The following PCDHA11 variants were observed in gnomAD, a reference collection of about 807,000 sequenced individuals.
PCDHA11 encodes the protein protocadherin alpha 11.
Under a neutral mutation model 70.3 loss-of-function variants are expected in PCDHA11, and 61 were observed. The ratio of observed to expected loss-of-function variants is 0.87; its 90% CI spans 0.71 to 1.07. The LOEUF (loss-of-function observed/expected upper bound fraction) is 1.07. Among genes scored for constraint, PCDHA11 ranks in the 50% least tolerant of loss-of-function variants. PCDHA11 has a pLI of 0.00. For synonymous variants in PCDHA11, 633 were observed against 555.1 expected, an observed-to-expected ratio of 1.14 and a Z score of -1.97; for missense variants, 1,324 against 1,237.5, an observed-to-expected ratio of 1.07 and a Z score of -1.05.
chr5:140,966,698 G>C, intron 1 of PCDHA11: 2 of 1,363,568 alleles, frequency 1.5e-6, no homozygotes, highest in Non-Finnish European at 1.9e-6. Flanking sequence ...CGGGGCCCGG[G>C]CGTGGGGCAC....
At chr5:140,947,302 C>G (rs1390442873) in intron 1 of PCDHA11, among the ~76,000 whole-genome samples, 2 of 151,504 alleles carry the variant, frequency 1.3e-5, no homozygotes, top group Non-Finnish European at 3.0e-5. Flanking sequence ...ATCTTGACAT[C>G]TTTGTAAAAA....
intron 3 of PCDHA11, among the ~76,000 whole-genome samples, chr5:141,006,417 G>A (rs1010340395): frequency 6.6e-6 from 1 of 152,030 alleles, no homozygotes; most frequent in Admixed American, 6.6e-5. Flanking sequence ...GTTTCACTGT[G>A]TTAGCCAGGA....
intron 1 of PCDHA11, chr5:140,876,955 G>A: frequency 6.2e-7 from 1 of 1,613,390 alleles, no homozygotes; most frequent in Non-Finnish European, 8.5e-7. Context: ...CTACTCGCTG[G>A]TGGAGCGGCG....
intron 3 of PCDHA11, among the ~76,000 whole-genome samples, chr5:140,991,251 A>G (rs2097441392): frequency 6.6e-6 from 1 of 152,306 alleles, no homozygotes; most frequent in South Asian, 2.1e-4. Context: ...GCAGTATTTG[A>G]ACTCATGTCT....
chr5:140,928,719 T>C (rs1554206226), intron 1 of PCDHA11: 31 of 1,614,044 alleles, frequency 1.9e-5, no homozygotes, highest in Non-Finnish European at 2.5e-5. Flanking sequence ...CTAGTCTCTT[T>C]AGAATTTCAG....
intron 1 of PCDHA11, among the ~76,000 whole-genome samples, chr5:140,947,906 A>G (rs2153681662): frequency 6.6e-6 from 1 of 151,710 alleles, no homozygotes; most frequent in South Asian, 2.1e-4. Flanking sequence ...GTGAGAGCAG[A>G]CATTCTTGCC....
chr5:140,947,645 A>G (rs1373528004), intron 1 of PCDHA11, among the ~76,000 whole-genome samples: 2 of 151,670 alleles, frequency 1.3e-5, no homozygotes, highest in African/African-American at 2.4e-5. Flanking sequence ...GTATGAACAT[A>G]TATACCTCCA....
intron 1 of PCDHA11, among the ~76,000 whole-genome samples, chr5:140,912,892 A>T (rs1554195590): frequency 2.0e-5 from 3 of 152,210 alleles, no homozygotes. Context: ...TTCTGTTGAT[A>T]TGATGTATCA....
chr5:140,969,473 A>G (rs562575347), intron 1 of PCDHA11: 1 of 1,478,090 alleles, frequency 6.8e-7, no homozygotes, highest in Non-Finnish European at 9.0e-7. Flanking sequence ...CCACAATTTG[A>G]TCATAATCTG....
chr5:140,896,748 A>T (rs1554187100), intron 1 of PCDHA11, among the ~76,000 whole-genome samples: 1 of 151,856 alleles, frequency 6.6e-6, no homozygotes, highest in African/African-American at 2.4e-5. Context: ...TAGATTCTGG[A>T]TATTAGACCT....
intron 3 of PCDHA11, among the ~76,000 whole-genome samples, chr5:141,002,660 T>C (rs1366913026): frequency 1.3e-5 from 2 of 152,170 alleles, no homozygotes; most frequent in Admixed American, 1.3e-4. Context: ...AGGGCTCTTG[T>C]CAGGACCAAA....
chr5:140,944,853 C>T (rs1230548858), intron 1 of PCDHA11, among the ~76,000 whole-genome samples: 1 of 152,118 alleles, frequency 6.6e-6, no homozygotes, highest in East Asian at 1.9e-4. Context: ...TTAGAATCAT[C>T]CTTATTTATC....
chr5:140,941,285 T>C (rs1563188656), intron 1 of PCDHA11, among the ~76,000 whole-genome samples: 1 of 119,964 alleles, frequency 8.3e-6, no homozygotes, highest in African/African-American at 2.9e-5. Flanking sequence ...TTCCTTCCTT[T>C]CTCTTTCTTT....
chr5:141,003,796 G>A (rs2098138988), intron 3 of PCDHA11, among the ~76,000 whole-genome samples: 1 of 152,168 alleles, frequency 6.6e-6, no homozygotes, highest in Non-Finnish European at 1.5e-5. Context: ...ATCCTATTGG[G>A]TTGTAATCTG....
At chr5:140,926,854 G>C (rs1554203742) in intron 1 of PCDHA11, 3 of 1,520,530 alleles carry the variant, frequency 2.0e-6, no homozygotes, top group South Asian at 2.6e-5. Flanking sequence ...GTCACCGTTG[G>C]TGTAGCGTGT....
chr5:140,882,853 A>G lies in PCDHA11; in HGVS notation c.2391+11359A>G, dbSNP rs782160647. On this transcript the variant is annotated intron_variant, in intron 1 of 3. Transcript: ENST00000398640. ...AGCAAATGTCTTCATTATCACTTGTACTGAGGAAAACACTGGACAGAGAGG... is the reference window on the plus strand; with the variant it reads ...AGCAAATGTCTTCATTATCACTTGTGCTGAGGAAAACACTGGACAGAGAGG... 1.9e-6 allele frequency: 3 copies of G among 1,614,218 alleles called. No individual in the cohort carries two copies. The Admixed American group carries it at 5.0e-5, about 27-fold the overall frequency.
At chr5:140,969,141 G>T in intron 1 of PCDHA11, 1 of 1,614,158 alleles carries the variant, frequency 6.2e-7, no homozygotes, top group Non-Finnish European at 8.5e-7. Context: ...AAGACCTACT[G>T]CTACAAGGCC....
At chr5:140,974,724 C>T (rs893225073) in intron 1 of PCDHA11, among the ~76,000 whole-genome samples, 11 of 152,168 alleles carry the variant, frequency 7.2e-5, no homozygotes, top group Admixed American at 2.6e-4. Flanking sequence ...TGCTCTCGAA[C>T]TCCTGTCTCC....
intron 1 of PCDHA11, among the ~76,000 whole-genome samples, chr5:140,902,680 C>T (rs943072063): frequency 3.9e-5 from 6 of 152,094 alleles, no homozygotes; most frequent in Admixed American, 6.5e-5. Context: ...GTACACCGTA[C>T]CTAATATGTG....
Sources: gnomAD v4.1 joint callset for allele counts (sites outside exome capture counted in the v4.1 genomes callset) on GRCh38, gnomAD v4.1.1 for gene constraint, MANE v1.5 for transcripts, NCBI Gene and HGNC (gene_info 2026-07-23, HGNC 2026-07-21) for gene names.